The following UBR2 variants were observed in gnomAD, a reference collection of about 807,000 sequenced individuals.
UBR2 encodes the protein ubiquitin protein ligase E3 component n-recognin 2, also known as E3 ubiquitin-protein ligase UBR2.
A neutral mutation model predicts 247.9 loss-of-function variants in UBR2; 92 were observed. The ratio of observed to expected loss-of-function variants is 0.37; its 90% confidence interval spans 0.31 to 0.44. The LOEUF (loss-of-function observed/expected upper bound fraction) is 0.44. Ranked by LOEUF, UBR2 falls within the 20% of genes least tolerant of loss-of-function variation. UBR2 has a pLI of 1.00. For synonymous variants in UBR2, 672 were observed against 693.5 expected (o/e 0.97, Z 0.49); for missense variants, 1,613 against 2,112.6 (o/e 0.76, Z 4.64).
intron 14 of UBR2, among the ~76,000 whole-genome samples, chr6:42,635,931 A>G (rs1012287560): frequency 2.0e-5 from 3 of 152,194 alleles, no homozygotes; most frequent in African/African-American, 7.2e-5. Flanking sequence ...TAAAGTCTAG[A>G]TGAGAGCCTG....
At chr6:42,688,667 A>G (rs1448639716) in intron 45 of UBR2, among the ~76,000 whole-genome samples, 2 of 152,050 alleles carry the variant, frequency 1.3e-5, no homozygotes, top group African/African-American at 2.4e-5. Flanking sequence ...AACTTCTCTG[A>G]TTTTCTGAAC....
At chr6:42,653,205 A>G (rs1797222142) in intron 25 of UBR2, among the ~76,000 whole-genome samples, 1 of 151,896 alleles carries the variant, frequency 6.6e-6, no homozygotes, top group South Asian at 2.1e-4. Context: ...CCACCTCAGT[A>G]TCCCAAGTAC....
chr6:42,592,108 A>G (rs762743934), intron 2 of UBR2, 43 bp from the exon 3 acceptor site: 18 of 1,506,808 alleles, frequency 1.2e-5, no homozygotes, highest in Middle Eastern at 1.7e-4. Context: ...TGAAATATAT[A>G]GTTATTTTCT....
chr6:42,635,466 C>G lies in UBR2; in HGVS notation c.1594C>G (p.Pro532Ala). 1 of 1,613,706 alleles carries G rather than the reference C, an allele frequency of 6.2e-7. No homozygotes were observed. Among genetic ancestry groups the G allele is most frequent in the Non-Finnish European group, 8.5e-7 (1 of 1,179,764 alleles). Residue 532 changes from proline to alanine, a missense_variant, in exon 14 of 47, where the codon CCA becomes GCA. Physicochemically the swap from Pro to Ala is conservative, Grantham distance 27 (BLOSUM62 -1). Around this residue, in one of 3 missense-constraint regions of UBR2, gnomAD observed 1,524 missense variants for 1,967.3 expected, o/e 0.77. Coordinates refer to ENST00000372901, the MANE Select transcript of UBR2 (RefSeq NM_001363705.2). ...RQVGQHIEME[P>A]EWEAAFTLQM... Reference sequence around the variant, plus strand: ...AGTAGGACAACATATTGAAATGGAACCAGAGTGGGAAGCAGCCTTCACACT... The same window carrying G: ...AGTAGGACAACATATTGAAATGGAAGCAGAGTGGGAAGCAGCCTTCACACT...
intron 21 of UBR2, among the ~76,000 whole-genome samples, chr6:42,647,538 G>C (rs1455903929): frequency 6.6e-6 from 1 of 151,930 alleles, no homozygotes; most frequent in African/African-American, 2.4e-5. Context: ...GGAGGTTGCA[G>C]TGAGCCAAGA....
chr6:42,677,252 A>G (rs961398952), intron 40 of UBR2, among the ~76,000 whole-genome samples: 1 of 152,150 alleles, frequency 6.6e-6, no homozygotes, highest in Non-Finnish European at 1.5e-5. Context: ...TTTTAAGGTA[A>G]TATTCAGTAG....
chr6:42,636,661 T>G (rs1796114987), intron 14 of UBR2, among the ~76,000 whole-genome samples: 1 of 152,148 alleles, frequency 6.6e-6, no homozygotes, highest in African/African-American at 2.4e-5. Context: ...AGCAGGAATT[T>G]AATAGAGAGA....
At chr6:42,679,901 T>C in intron 42 of UBR2, 69 bp downstream of exon 42, 2 of 1,075,154 alleles carry the variant, frequency 1.9e-6, no homozygotes, top group Non-Finnish European at 1.3e-6. Context: ...TTATCACATA[T>C]GTAGCAAAAT....
At chr6:42,571,779 C>G (rs1354457272) in intron 1 of UBR2, among the ~76,000 whole-genome samples, 2 of 148,858 alleles carry the variant, frequency 1.3e-5, no homozygotes, top group African/African-American at 4.9e-5. Flanking sequence ...ATTTGACTAC[C>G]TTCATTCTTG....
chr6:42,583,527 CTT>C (rs748195321), intron 2 of UBR2, among the ~76,000 whole-genome samples: 2 of 128,886 alleles, frequency 1.6e-5, no homozygotes, highest in Non-Finnish European at 3.3e-5. Context: ...GATTACAGGG[CTT>C]TTTTTTTTTT....
intron 6 of UBR2, 89 bp downstream of exon 6, chr6:42,605,948 T>A: frequency 8.6e-7 from 1 of 1,168,486 alleles, no homozygotes; most frequent in Non-Finnish European, 1.2e-6. Context: ...TAAAGATATA[T>A]ATATCTAGGC....
At chr6:42,665,183 G>A (rs1337315568) in intron 32 of UBR2, among the ~76,000 whole-genome samples, 1 of 152,110 alleles carries the variant, frequency 6.6e-6, no homozygotes, top group African/African-American at 2.4e-5. Context: ...CAATACTGAA[G>A]AGTGAGATTT....
intron 5 of UBR2, 46 bp from the exon 6 acceptor site, chr6:42,605,675 G>T (rs1342059462): frequency 1.9e-6 from 3 of 1,560,506 alleles, no homozygotes; most frequent in Non-Finnish European, 2.6e-6. Context: ...CCTGGAGCAA[G>T]ATAATAAACA....
In UBR2 at chr6:42,614,236, A is replaced by C. The variant is rs1415526905; in HGVS notation, c.986-835A>C. On this transcript the variant is annotated intron_variant, in intron 8 of 46. Coordinates refer to ENST00000372901, the MANE Select transcript of UBR2 (RefSeq NM_001363705.2). The stretch of plus-strand genomic sequence containing the variant: ...TATATATACACACACACACACACAC[A>C]CACACACACGCGCGCACATATATAT... Among the ~76,000 whole-genome samples the C allele has an allele frequency of 3.9e-3, 299 of 75,866 alleles. 17 individuals carry two copies. The East Asian group carries it at 0.045, about 11-fold the overall frequency. The allele number at this position is 75,866 out of a possible 152,430, so 49.8% of individuals were successfully genotyped here.
intron 34 of UBR2, among the ~76,000 whole-genome samples, chr6:42,667,492 T>C (rs1798171926): frequency 6.6e-6 from 1 of 151,410 alleles, no homozygotes; most frequent in Non-Finnish European, 1.5e-5. Flanking sequence ...AATTTTTGGT[T>C]AAATCTAGTT....
chr6:42,567,532 C>T (rs1790854623), intron 1 of UBR2, among the ~76,000 whole-genome samples: 1 of 151,992 alleles, frequency 6.6e-6, no homozygotes, highest in African/African-American at 2.4e-5. Flanking sequence ...AGATAGAGAC[C>T]ATCCTGGCCA....
intron 36 of UBR2, among the ~76,000 whole-genome samples, chr6:42,673,007 C>T (rs188188678): frequency 1.3e-5 from 2 of 152,154 alleles, no homozygotes; most frequent in African/African-American, 4.8e-5. Context: ...CATCTTTTTC[C>T]ATTAGCATAT....
rs760558632 is a variant in UBR2, at chr6:42,644,234, T to C, written c.2118T>C (p.Asp706=). ...AAAAGACAGGTGTCTCCATGATGGA[T>C]CCAAATCATTTCCTGATGATCATGC... ...VMLQTGVSMM[D]PNHFLMIMLS... The change falls in exon 19 of 47, where the codon GAT becomes GAC. Residue 706 remains aspartate, a synonymous_variant. Coordinates refer to ENST00000372901, the MANE Select transcript of UBR2 (RefSeq NM_001363705.2). 15 of 1,609,628 alleles carry C rather than the reference T, an allele frequency of 9.3e-6. 1 individual carries two copies. In the South Asian group the frequency reaches 1.7e-4, roughly 18 times the overall value.
At chr6:42,567,728 T>C (rs1395538506) in intron 1 of UBR2, among the ~76,000 whole-genome samples, 1 of 151,536 alleles carries the variant, frequency 6.6e-6, no homozygotes, top group African/African-American at 2.4e-5. Flanking sequence ...GACCCCATCT[T>C]TTTCCCTGAA....
Sources: gnomAD v4.1 joint callset for allele counts (sites outside exome capture counted in the v4.1 genomes callset) on GRCh38, gnomAD v4.1.1 for gene constraint, gnomAD v4.1.1 regional missense constraint, MANE v1.5 for transcripts, NCBI Gene and HGNC (gene_info 2026-07-23, HGNC 2026-07-21) for gene names.